USH2A: variants seen among roughly 807,000 people sequenced by gnomAD.
The protein encoded by USH2A is usherin.
A neutral mutation model predicts 538.9 loss-of-function variants in USH2A; 443 were observed. The ratio of observed to expected loss-of-function variants is 0.82; its 90% CI spans 0.76 to 0.89. The LOEUF (loss-of-function observed/expected upper bound fraction) is 0.89, where lower values mean the gene tolerates loss of function less well. Among genes scored for constraint, USH2A ranks in the 40% least tolerant of loss-of-function variants. The pLI is 0.00. For synonymous variants in USH2A, 2,413 were observed against 2,273.5 expected, an observed-to-expected ratio of 1.06 and a Z score of -1.75; for missense variants, 6,633 against 6,324.8, an observed-to-expected ratio of 1.05 and a Z score of -1.65.
intron 64 of USH2A, among the ~76,000 whole-genome samples, chr1:215,662,690 T>C (rs1030553878): frequency 2.6e-5 from 4 of 152,178 alleles, no homozygotes; most frequent in African/African-American, 9.6e-5. Context: ...CCTAAAGTTT[T>C]AGAATAAATA....
intron 3 of USH2A, among the ~76,000 whole-genome samples, chr1:216,407,170 T>C (rs2039409839): frequency 6.6e-6 from 1 of 152,100 alleles, no homozygotes; most frequent in African/African-American, 2.4e-5. Flanking sequence ...GAACACTAAG[T>C]ATAAGCAAAA....
chr1:216,232,563 G>A (rs2035721635), intron 13 of USH2A, among the ~76,000 whole-genome samples: 1 of 152,096 alleles, frequency 6.6e-6, no homozygotes, highest in Non-Finnish European at 1.5e-5. Flanking sequence ...TAGCAAAGGT[G>A]CAGCCCATGC....
At chr1:215,959,767 G>A (rs1667152021) in intron 37 of USH2A, among the ~76,000 whole-genome samples, 2 of 152,070 alleles carry the variant, frequency 1.3e-5, no homozygotes, top group African/African-American at 2.4e-5. Context: ...TGAAAACTAA[G>A]CTGCAATCCA....
In USH2A at chr1:215,650,652, G is replaced by A. The variant is rs371827318; in HGVS notation, c.14283C>T (p.Pro4761=). The A allele has an allele frequency of 3.1e-6, 5 of 1,613,978 alleles. No homozygotes were observed. Among genetic ancestry groups the A allele is most frequent in the Non-Finnish European group, 4.2e-6 (5 of 1,180,036 alleles). ...AVVNISAPGK[P]NGIVSLYRLF... is the part of the protein sequence containing the mutation. ...GCCTGTAGAGACTGACGATCCCGTT[G>A]GGCTTCCCAGGGGCACTGATGTTGA... Residue 4761 remains proline (P), a synonymous_variant, in exon 65 of 72, where the codon CCC becomes CCT. Transcript: ENST00000307340.
chr1:216,003,530 G>A (rs530039568), intron 32 of USH2A, among the ~76,000 whole-genome samples: 1 of 152,134 alleles, frequency 6.6e-6, no homozygotes, highest in East Asian at 1.9e-4. Flanking sequence ...GAGTGTAAAA[G>A]TTATGGGAAT....
intron 44 of USH2A, among the ~76,000 whole-genome samples, chr1:215,859,932 G>T (rs1664273206): frequency 2.0e-5 from 3 of 152,210 alleles, no homozygotes. Context: ...CTAGTTGGAG[G>T]TGTTTGTTGC....
At chr1:216,417,125 A>C (rs558126672) in intron 3 of USH2A, among the ~76,000 whole-genome samples, 2 of 152,166 alleles carry the variant, frequency 1.3e-5, no homozygotes, top group South Asian at 4.2e-4. Context: ...TTTGTGTATC[A>C]TTTCAACCCT....
chr1:216,037,798 T>C (rs1366504351), intron 32 of USH2A, among the ~76,000 whole-genome samples: 1 of 135,674 alleles, frequency 7.4e-6, no homozygotes, highest in African/African-American at 2.5e-5. Flanking sequence ...TTAAGTCTAG[T>C]ACCCATTAGT....
At chr1:216,001,741 G>T (rs1668269341) in intron 32 of USH2A, among the ~76,000 whole-genome samples, 4 of 152,100 alleles carry the variant, frequency 2.6e-5, no homozygotes. Context: ...AACAGATTTT[G>T]CATTGCACTG....
At chr1:216,339,171 G>A (rs1167586853) in intron 4 of USH2A, among the ~76,000 whole-genome samples, 1 of 151,434 alleles carries the variant, frequency 6.6e-6, no homozygotes, top group African/African-American at 2.4e-5. Flanking sequence ...AATACTAATA[G>A]AGAAACTAAA....
At chr1:215,662,651 G>A (rs925643893) in intron 64 of USH2A, among the ~76,000 whole-genome samples, 1 of 152,186 alleles carries the variant, frequency 6.6e-6, no homozygotes, top group Admixed American at 6.6e-5. Context: ...ATGTCCCAGT[G>A]GCCTTCAGTC....
intron 4 of USH2A, among the ~76,000 whole-genome samples, chr1:216,332,023 A>G (rs1158992136): frequency 6.6e-6 from 1 of 152,152 alleles, no homozygotes; most frequent in African/African-American, 2.4e-5. Context: ...AACATGTTCT[A>G]TGGCATTTTA....
intron 55 of USH2A, among the ~76,000 whole-genome samples, chr1:215,767,820 G>T (rs1174156608): frequency 6.6e-6 from 1 of 152,106 alleles, no homozygotes; most frequent in Non-Finnish European, 1.5e-5. Context: ...TTAAAGCTCA[G>T]CAGCATTCAA....
chr1:215,719,522 C>T (rs955564262), intron 61 of USH2A, among the ~76,000 whole-genome samples: 1 of 152,202 alleles, frequency 6.6e-6, no homozygotes, highest in East Asian at 1.9e-4. Context: ...GTGAGGAACA[C>T]TTAAAATGTA....
intron 3 of USH2A, among the ~76,000 whole-genome samples, chr1:216,369,869 G>A (rs1057103315): frequency 6.1e-5 from 9 of 146,424 alleles, no homozygotes; most frequent in Non-Finnish European, 8.9e-5. Flanking sequence ...GTTGCAGTGA[G>A]CCAAGATGGC....
Position 215,650,795 on chromosome 1 carries a change from C to A in USH2A, c.14140G>T (p.Ala4714Ser), listed in dbSNP as rs765164422. ...GGGGCTTTTCCTGCAGAATTCACTG[C>A]CCAGACCTCCAAAGAGAAATCAACA... ...PFTEYEYQVW[A>S]VNSAGKAPSS... is the part of the protein sequence containing the mutation. Residue 4714 changes from alanine (A) to serine (S), a missense_variant, in exon 65 of 72, where the codon GCA becomes TCA. Coordinates refer to ENST00000307340, the MANE Select transcript of USH2A (RefSeq NM_206933.4). 11 of 1,612,894 alleles carry A rather than the reference C, an allele frequency of 6.8e-6. No homozygotes were observed. The highest frequency in any genetic ancestry group is 9.3e-6 in the Non-Finnish European group (11 of 1,179,848).
At chr1:215,699,720 G>T (rs1030273000) in intron 61 of USH2A, among the ~76,000 whole-genome samples, 1 of 152,144 alleles carries the variant, frequency 6.6e-6, no homozygotes. Flanking sequence ...AGATGATGGG[G>T]TTTTCTAAAT....
chr1:215,791,521 T>G (rs1355766999), intron 50 of USH2A, among the ~76,000 whole-genome samples: 1 of 152,226 alleles, frequency 6.6e-6, no homozygotes, highest in African/African-American at 2.4e-5. Flanking sequence ...ACCCTCTCAT[T>G]CATCTTTTTA....
intron 9 of USH2A, among the ~76,000 whole-genome samples, chr1:216,295,358 G>T (rs114520385): frequency 0.011 from 1,696 of 151,436 alleles, 38 homozygotes; most frequent in African/African-American, 0.039. Flanking sequence ...AGTAAATAAA[G>T]CCAAGTAAAA....
Sources: gnomAD v4.1 joint callset for allele counts (sites outside exome capture counted in the v4.1 genomes callset) on GRCh38, gnomAD v4.1.1 for gene constraint, MANE v1.5 for transcripts, NCBI Gene and HGNC (gene_info 2026-07-23, HGNC 2026-07-21) for gene names.